CSMD1: variants seen among roughly 807,000 people sequenced by gnomAD.
CSMD1 encodes the protein CUB and Sushi multiple domains 1.
CSMD1 carries 213 observed loss-of-function variants against 417.5 expected under a neutral mutation model. The observed-to-expected ratio is 0.51, with a 90% CI of 0.46 to 0.57. The LOEUF (loss-of-function observed/expected upper bound fraction) is 0.57. Ranked by LOEUF, CSMD1 falls within the 20% of genes least tolerant of loss-of-function variation. The probability of loss-of-function intolerance (pLI) is 0.00; values close to 1 mark genes in which losing one functional copy is unlikely to be tolerated. For missense variants in CSMD1, 6,923 were observed against 4,529.7 expected, an observed-to-expected ratio of 1.53 and a Z score of -15.17; for synonymous variants, 2,862 against 1,736.8, an observed-to-expected ratio of 1.65 and a Z score of -16.11.
chr8:2,948,341 T>A (rs916097273), intron 68 of CSMD1, among the ~76,000 whole-genome samples: 2 of 151,642 alleles, frequency 1.3e-5, no homozygotes, highest in Admixed American at 6.6e-5. Context: ...CCATCCTAGA[T>A]GACAAAAATA....
Position 4,197,887 on chromosome 8 carries a change from G to C in CSMD1, c.416-165788C>G, listed in dbSNP as rs183710983. On this transcript the variant is annotated intron_variant, in intron 3 of 69. Coordinates refer to ENST00000635120, the MANE Select transcript of CSMD1 (RefSeq NM_033225.6). ...GAGTAAGACTCCATCTAAAAGTTAA[G>C]AAGAAAAAAAGCTTCATCCATTTCA... Among the ~76,000 whole-genome samples the C allele has an allele frequency of 3.3e-5, 5 of 151,938 alleles. No individual in the cohort carries two copies. The South Asian group carries it at 1.0e-3, about 32-fold the overall frequency.
At chr8:4,129,539 G>A (rs1802970304) in intron 3 of CSMD1, among the ~76,000 whole-genome samples, 1 of 151,964 alleles carries the variant, frequency 6.6e-6, no homozygotes, top group South Asian at 2.1e-4. Flanking sequence ...CCGATTTTGA[G>A]ATTGGATTCC....
intron 1 of CSMD1, among the ~76,000 whole-genome samples, chr8:4,908,343 G>T (rs1015139173): frequency 6.6e-6 from 1 of 152,000 alleles, no homozygotes; most frequent in African/African-American, 2.4e-5. Flanking sequence ...AGATAATTTG[G>T]GATTTATAAT....
At chr8:4,205,583 T>A (rs1169556364) in intron 3 of CSMD1, among the ~76,000 whole-genome samples, 2 of 152,200 alleles carry the variant, frequency 1.3e-5, no homozygotes, top group African/African-American at 4.8e-5. Flanking sequence ...AGCATATAAA[T>A]GATGGGGTAG....
At chr8:3,179,632 T>G (rs1019820402) in intron 37 of CSMD1, among the ~76,000 whole-genome samples, 1 of 152,128 alleles carries the variant, frequency 6.6e-6, no homozygotes, top group African/African-American at 2.4e-5. Flanking sequence ...GACAAAGGAA[T>G]AAAAACCCAG....
rs140979462 is a variant in CSMD1, at chr8:3,500,016, G to T, written c.1345-6290C>A. On this transcript the variant is annotated intron_variant, in intron 10 of 69. Coordinates refer to ENST00000635120, the MANE Select transcript of CSMD1 (RefSeq NM_033225.6). ...TGAGGCCTGTGGGGGCTTTTCTGAAGCCCTGAATACAGGCATCTGGGGTGG... is the reference window on the plus strand; with the variant it reads ...TGAGGCCTGTGGGGGCTTTTCTGAATCCCTGAATACAGGCATCTGGGGTGG... Among the ~76,000 whole-genome samples the T allele has an allele frequency of 2.6e-3, 400 of 152,222 alleles. 4 individuals are homozygous for T. The highest frequency in any genetic ancestry group is 9.2e-3 in the African/African-American group (384 of 41,570).
At chr8:4,871,888 T>G (rs1371060505) in intron 1 of CSMD1, among the ~76,000 whole-genome samples, 1 of 152,106 alleles carries the variant, frequency 6.6e-6, no homozygotes, top group Non-Finnish European at 1.5e-5. Context: ...GGATGACACC[T>G]GTCTTTCCTT....
At chr8:3,648,894 T>C (rs1797709943) in intron 7 of CSMD1, among the ~76,000 whole-genome samples, 1 of 152,214 alleles carries the variant, frequency 6.6e-6, no homozygotes, top group Non-Finnish European at 1.5e-5. Context: ...AGCTAGTGTT[T>C]TCTATTTAAA....
At chr8:4,242,796 T>G (rs1442483683) in intron 3 of CSMD1, among the ~76,000 whole-genome samples, 7 of 152,182 alleles carry the variant, frequency 4.6e-5, no homozygotes, top group African/African-American at 1.7e-4. Context: ...ATTTATAAAG[T>G]TGGAGGAAAC....
Position 4,660,835 on chromosome 8 carries a change from T to C in CSMD1, c.86-23277A>G, listed in dbSNP as rs1030225824. 5.9e-5 allele frequency among the ~76,000 whole-genome samples: 9 copies of C among 151,910 alleles called. 2 individuals carry two copies. Among genetic ancestry groups the C allele is most frequent in the African/African-American group, 1.7e-4 (7 of 41,536 alleles). On this transcript the variant is annotated intron_variant, in intron 1 of 69. Transcript: ENST00000635120. Reference sequence around the variant, plus strand: ...AATTATGAAGACATTTCACTGAAGATAGGCAGATGGCAAATACCATGTTAA... The same window carrying C: ...AATTATGAAGACATTTCACTGAAGACAGGCAGATGGCAAATACCATGTTAA...
intron 1 of CSMD1, among the ~76,000 whole-genome samples, chr8:4,684,646 A>C (rs552643002): frequency 5.3e-5 from 8 of 152,176 alleles, no homozygotes; most frequent in Non-Finnish European, 1.0e-4. Flanking sequence ...GAATGTAAGG[A>C]TTATAAGGCA....
In CSMD1 at chr8:4,908,941, T is replaced by C. The variant is rs143839903; in HGVS notation, c.85+85391A>G. 2.0e-4 allele frequency among the ~76,000 whole-genome samples: 31 copies of C among 152,346 alleles called. No individual in the cohort carries two copies. The East Asian group carries it at 5.6e-3, about 28-fold the overall frequency. On this transcript the variant is annotated intron_variant, in intron 1 of 69. Transcript: ENST00000635120. ...CTCAGTCATTCCACTGCATTGCCTC[T>C]TCCGAACGTGTTTTCCTTGCCTTTA...
chr8:3,363,834 G>A (rs1250170942), intron 20 of CSMD1, among the ~76,000 whole-genome samples: 1 of 152,218 alleles, frequency 6.6e-6, no homozygotes, highest in Non-Finnish European at 1.5e-5. Context: ...GAAAGTAAGT[G>A]TGGAGTATCC....
intron 49 of CSMD1, among the ~76,000 whole-genome samples, chr8:3,082,098 T>C (rs1814144930): frequency 6.6e-6 from 1 of 152,186 alleles, no homozygotes; most frequent in African/African-American, 2.4e-5. Flanking sequence ...GTTTCCTAAG[T>C]ATTTTCAATA....
intron 52 of CSMD1, among the ~76,000 whole-genome samples, chr8:3,002,432 T>C (rs1183756720): frequency 6.6e-6 from 1 of 152,222 alleles, no homozygotes; most frequent in Admixed American, 6.5e-5. Context: ...CAGCCATTTC[T>C]GAGGCGAGGC....
chr8:3,653,571 A>G (rs1468046122), intron 7 of CSMD1, among the ~76,000 whole-genome samples: 1 of 152,164 alleles, frequency 6.6e-6, no homozygotes, highest in Non-Finnish European at 1.5e-5. Flanking sequence ...AGCCTCCCAA[A>G]GTGCTGGGAT....
chr8:4,066,261 C>A (rs556290646), intron 3 of CSMD1, among the ~76,000 whole-genome samples: 8 of 152,320 alleles, frequency 5.3e-5, no homozygotes, highest in African/African-American at 1.9e-4. Flanking sequence ...CACTGCACCT[C>A]TGAGGTATCC....
At chr8:4,518,283 A>G (rs911411092) in intron 2 of CSMD1, among the ~76,000 whole-genome samples, 1 of 152,174 alleles carries the variant, frequency 6.6e-6, no homozygotes, top group Admixed American at 6.5e-5. Flanking sequence ...GACGCCCAGC[A>G]GCAGCAGCAG....
At chr8:4,009,652 A>T (rs1277350613) in intron 4 of CSMD1, among the ~76,000 whole-genome samples, 1 of 152,212 alleles carries the variant, frequency 6.6e-6, no homozygotes, top group East Asian at 1.9e-4. Flanking sequence ...CCACATATGT[A>T]ATATAATAGC....
Sources: allele counts gnomAD v4.1 joint callset (sites outside exome capture counted in the v4.1 genomes callset), GRCh38; gene constraint gnomAD v4.1.1; transcripts MANE v1.5; gene names NCBI Gene and HGNC (gene_info 2026-07-23, HGNC 2026-07-21).